The following BCR variants were observed in gnomAD, a reference collection of about 807,000 sequenced individuals.
BCR encodes breakpoint cluster region protein.
A neutral mutation model predicts 138.6 loss-of-function variants in BCR; 58 were observed. The ratio of observed to expected loss-of-function variants is 0.42; its 90% CI spans 0.34 to 0.52. The LOEUF is 0.52. Among genes scored for constraint, BCR ranks in the 20% least tolerant of loss-of-function variants. The pLI is 0.06. For missense variants in BCR, 1,599 were observed against 1,727.2 expected (o/e 0.93, Z 1.32); for synonymous variants, 786 against 730.1 (o/e 1.08, Z -1.23).
rs1401367310 is a variant in BCR at position 23,181,470 on chromosome 22, G to A, written c.510G>A (p.Ala170=). 6.2e-7 allele frequency: 1 copy of A among 1,609,000 alleles called. No homozygotes were observed. Among genetic ancestry groups the A allele is most frequent in the South Asian group, 1.1e-5 (1 of 90,950 alleles). ...RIRKGHGQPG[A]DAEKPFYVNV... ...GCAAGGGCCATGGCCAGCCCGGGGC[G>A]GACGCCGAGAAGCCCTTCTACGTGA... Residue 170 remains alanine, a synonymous_variant, in exon 1 of 23, where the codon GCG becomes GCA. Coordinates refer to ENST00000305877, the MANE Select transcript of BCR (RefSeq NM_004327.4).
At chr22:23,287,011 G>A (rs2073721709) in intron 10 of BCR, 148 bp from the exon 11 acceptor site, 6 of 1,355,856 alleles carry the variant, frequency 4.4e-6, no homozygotes, top group East Asian at 2.6e-5. Context: ...CAGCAACTGC[G>A]GTCTGGGGCC....
intron 1 of BCR, among the ~76,000 whole-genome samples, chr22:23,238,507 CCTT>C (rs1387479126): frequency 6.6e-6 from 1 of 152,138 alleles, no homozygotes; most frequent in Non-Finnish European, 1.5e-5. Context: ...TGGGGATCCT[CCTT>C]CTTAGCTGTG....
At chr22:23,250,632 G>A (rs550648601) in intron 1 of BCR, among the ~76,000 whole-genome samples, 39 of 152,272 alleles carry the variant, frequency 2.6e-4, no homozygotes, top group African/African-American at 5.5e-4. Flanking sequence ...CTAGGGTGAG[G>A]AAGTTGTTAA....
intron 14 of BCR, 46 bp from the exon 15 acceptor site, chr22:23,292,495 T>C (rs1369294830): frequency 3.0e-6 from 4 of 1,348,818 alleles, no homozygotes; most frequent in Admixed American, 3.4e-5. Flanking sequence ...ATGTGGGTGA[T>C]GTGGAAAAGA....
intron 2 of BCR, among the ~76,000 whole-genome samples, chr22:23,257,211 A>C (rs1304742592): frequency 6.6e-6 from 1 of 152,210 alleles, no homozygotes; most frequent in African/African-American, 2.4e-5. Flanking sequence ...TTCTTAGTCT[A>C]AGGAGAAGTG....
chr22:23,205,642 A>ATT (rs112193385), intron 1 of BCR, among the ~76,000 whole-genome samples: 365 of 144,060 alleles, frequency 2.5e-3, no homozygotes, highest in Middle Eastern at 0.011. Context: ...TGAACCAATA[A>ATT]TTTTTTTTTT....
At chr22:23,193,352 T>C (rs1474406375) in intron 1 of BCR, among the ~76,000 whole-genome samples, 1 of 152,268 alleles carries the variant, frequency 6.6e-6, no homozygotes, top group African/African-American at 2.4e-5. Flanking sequence ...TTCTGTCAGC[T>C]GGAGAGGGTG....
chr22:23,259,026 G>C (rs1328215344), intron 2 of BCR, among the ~76,000 whole-genome samples: 1 of 152,268 alleles, frequency 6.6e-6, no homozygotes, highest in Non-Finnish European at 1.5e-5. Context: ...CCTCAGCCCG[G>C]TGGAGCACTG....
chr22:23,249,387 G>A (rs1167787525), intron 1 of BCR, among the ~76,000 whole-genome samples: 8 of 149,726 alleles, frequency 5.3e-5, no homozygotes, highest in Admixed American at 1.3e-4. Flanking sequence ...AGCCGAAATC[G>A]CGCCACTGCA....
chr22:23,181,306 C>G lies in BCR; in HGVS notation c.346C>G (p.Arg116Gly). The change falls in exon 1 of 23, where the codon CGG (arginine) becomes GGG (glycine). Residue 116 changes from arginine to glycine, a missense_variant. This residue lies in a region of BCR where 806 missense variants were observed against 635.0 expected (regional missense o/e 1.27). Coordinates refer to ENST00000305877, the MANE Select transcript of BCR (RefSeq NM_004327.4). ...DPPPAEEPEARPDGEGSPGKA... is the reference protein window; with the variant it reads ...DPPPAEEPEAGPDGEGSPGKA... ...GCCGCCCGCCGAGGAGCCCGAGGCC[C>G]GGCCCGACGGCGAGGGTTCTCCGGG... is the stretch of plus-strand genomic sequence containing the variant. 1 of 1,359,976 alleles carries G rather than the reference C, an allele frequency of 7.4e-7. No homozygotes were observed. The highest frequency in any genetic ancestry group is 9.5e-7 in the Non-Finnish European group (1 of 1,055,630). 84.2% of individuals were successfully genotyped at this position (1,359,976 alleles called of 1,614,324 possible). A position where few individuals can be genotyped will look rare whatever the true frequency, so the allele number is the denominator to read the frequency against.
rs943408647 is a variant in BCR, at chr22:23,235,393, G to A, written c.1280-18406G>A. On this transcript the variant is annotated intron_variant, in intron 1 of 22. Transcript: ENST00000305877. The stretch of plus-strand genomic sequence containing the variant: ...CCATGCCCGGCCTTCTCCAAGTTCC[G>A]AATTCCCTGAAAGCAGCTGTGCTGT... Among the ~76,000 whole-genome samples the A allele has an allele frequency of 4.8e-5, 7 of 144,778 alleles. 1 individual carries two copies. Among genetic ancestry groups the A allele is most frequent in the Admixed American group, 3.5e-4 (5 of 14,394 alleles). 95.0% of individuals were successfully genotyped at this position (144,778 alleles called of 152,430 possible).
At chr22:23,237,128 A>G (rs2073035941) in intron 1 of BCR, among the ~76,000 whole-genome samples, 1 of 152,196 alleles carries the variant, frequency 6.6e-6, no homozygotes, top group Non-Finnish European at 1.5e-5. Flanking sequence ...ATGGTGATAT[A>G]GCCACGCCGC....
chr22:23,311,485 C>T lies in BCR; in HGVS notation c.3183-212C>T, dbSNP rs534051880. Among the ~76,000 whole-genome samples the T allele has an allele frequency of 3.9e-5, 6 of 152,034 alleles. No individual in the cohort carries two copies. In the East Asian group the frequency reaches 5.8e-4, roughly 15 times the overall value. On this transcript the variant is annotated intron_variant, in intron 18 of 22. Coordinates refer to ENST00000305877, the MANE Select transcript of BCR (RefSeq NM_004327.4). ...ATGTGTGATTCGCAGGGGTTCTGGC[C>T]GCTTGAAAGGTTCCTGAGAAAGTAC...
intron 8 of BCR, among the ~76,000 whole-genome samples, chr22:23,278,344 G>A (rs13054840): frequency 0.18 from 26,708 of 152,224 alleles, 2,814 homozygotes; most frequent in Middle Eastern, 0.3. Context: ...GGCCCTGGAG[G>A]AGGGAAGTAC....
chr22:23,253,364 C>T lies in BCR; in HGVS notation c.1280-435C>T, dbSNP rs190651513. Among the ~76,000 whole-genome samples, 13 of 152,262 alleles carry T rather than the reference C, an allele frequency of 8.5e-5. No individual in the cohort carries two copies. The East Asian group carries it at 2.5e-3, about 30-fold the overall frequency. On this transcript the variant is annotated intron_variant, in intron 1 of 22. Coordinates refer to ENST00000305877, the MANE Select transcript of BCR (RefSeq NM_004327.4). Reference sequence around the variant, plus strand: ...GAGTTGGGGGTGCCAACTCTCTAATCGTGTGGTTGGTTCTCCCGGCAACCA... The same window carrying T: ...GAGTTGGGGGTGCCAACTCTCTAATTGTGTGGTTGGTTCTCCCGGCAACCA...
At chr22:23,272,678 C>T (rs1041169420) in intron 6 of BCR, among the ~76,000 whole-genome samples, 16 of 152,104 alleles carry the variant, frequency 1.1e-4, no homozygotes, top group African/African-American at 3.6e-4. Flanking sequence ...GTCCTGGGAT[C>T]GATGGTAAGA....
chr22:23,192,181 A>G (rs1256324659), intron 1 of BCR, among the ~76,000 whole-genome samples: 1 of 152,152 alleles, frequency 6.6e-6, no homozygotes, highest in Admixed American at 6.5e-5. Flanking sequence ...TTTCTTGTAA[A>G]GTGGCTGGAG....
intron 1 of BCR, among the ~76,000 whole-genome samples, chr22:23,243,516 A>G (rs1404837748): frequency 6.6e-6 from 1 of 152,150 alleles, no homozygotes; most frequent in Non-Finnish European, 1.5e-5. Context: ...CCAAGAGGCC[A>G]TGGAAGCTCC....
At position 23,285,162 on chromosome 22, in the gene BCR, C is replaced by A; in HGVS notation, c.2367C>A (p.Ile789=). 1 of 1,613,696 alleles carries A rather than the reference C, an allele frequency of 6.2e-7. No individual in the cohort carries two copies. The highest frequency in any genetic ancestry group is 8.5e-7 in the Non-Finnish European group (1 of 1,179,878). ...ATGAGGAGCTGGACGCTTTGAAGAT[C>A]AAGATCTCCCAGATCAAGAATGACA... ...VPDEELDALK[I]KISQIKNDIQ... Residue 789 remains isoleucine, a synonymous_variant, in exon 10 of 23, where the codon ATC becomes ATA. Coordinates refer to ENST00000305877, the MANE Select transcript of BCR (RefSeq NM_004327.4).
Sources: allele counts gnomAD v4.1 joint callset (sites outside exome capture counted in the v4.1 genomes callset), GRCh38; gene constraint gnomAD v4.1.1; regional missense constraint gnomAD v4.1.1; transcripts MANE v1.5; gene names NCBI Gene and HGNC (gene_info 2026-07-23, HGNC 2026-07-21).